RANGAP1: variants seen among roughly 807,000 people sequenced by gnomAD.
RANGAP1 encodes ran GTPase-activating protein 1.
A neutral mutation model predicts 63.5 loss-of-function variants in RANGAP1; 38 were observed. The observed-to-expected ratio is 0.60, with a 90% CI of 0.46 to 0.78. RANGAP1 has a LOEUF of 0.78. RANGAP1 is among the 30% of genes least tolerant of loss of function. The pLI, the probability that RANGAP1 is intolerant of heterozygous loss-of-function variation, is 0.00. For synonymous variants in RANGAP1, 329 were observed against 310.5 expected, an observed-to-expected ratio of 1.06 and a Z score of -0.63; for missense variants, 630 against 740.3, an observed-to-expected ratio of 0.85 and a Z score of 1.73.
At position 41,283,005 on chromosome 22, in the gene RANGAP1, C is replaced by T. The variant is rs564575604; in HGVS notation, c.-38-1923G>A. ...CCCCTAGGCTTCCTCTGGGTTCTAA[C>T]TTATAACCCTGGTTTGTCTGCCTTT... On this transcript the variant is annotated intron_variant, in intron 1 of 15. Transcript: ENST00000356244. Among the ~76,000 whole-genome samples, 22 of 152,168 alleles carry T rather than the reference C, an allele frequency of 1.4e-4. 3 individuals are homozygous for T. In the South Asian group the frequency reaches 3.7e-3, roughly 26 times the overall value.
chr22:41,297,435 A>G, the RANGAP1 span, among the ~76,000 whole-genome samples: 96 of 152,174 alleles, frequency 6.3e-4, 1 homozygote, highest in African/African-American at 2.3e-3. Flanking sequence ...ATGTTTGACC[A>G]AATATCTGGG....
Position 41,261,560 on chromosome 22 carries a change from G to A in RANGAP1, c.501C>T (p.Thr167=), listed in dbSNP as rs751689271. ...GGGCACTGGATTTCCGGTGACATTC[G>A]GTCAGAGCTGCAGCCAGGATCTGTG... ...GGGKILAAAL[T]ECHRKSSAQG... The change falls in exon 6 of 16, where the codon ACC becomes ACT. Residue 167 remains threonine, a synonymous_variant. Coordinates refer to ENST00000356244, the MANE Select transcript of RANGAP1 (RefSeq NM_002883.4). 8.1e-6 allele frequency: 13 copies of A among 1,614,086 alleles called. No individual in the cohort carries two copies. Among genetic ancestry groups the A allele is most frequent in the East Asian group, 2.2e-5 (1 of 44,896 alleles).
At chr22:41,249,853 T>C in intron 13 of RANGAP1, 36 bp from the exon 14 acceptor site, 1 of 1,582,284 alleles carries the variant, frequency 6.3e-7, no homozygotes, top group South Asian at 1.1e-5. Context: ...GGCTGCTGGC[T>C]ATGGCAGAGG....
At chr22:41,294,226 A>AT in the RANGAP1 span, among the ~76,000 whole-genome samples, 1 of 152,052 alleles carries the variant, frequency 6.6e-6, no homozygotes, top group Non-Finnish European at 1.5e-5. Flanking sequence ...TGGTTTTCGT[A>AT]TTTTTTTGGT....
At chr22:41,252,767 G>T (rs2033554183) in intron 12 of RANGAP1, 105 bp downstream of exon 12, 3 of 1,301,098 alleles carry the variant, frequency 2.3e-6, no homozygotes, top group Admixed American at 7.5e-5. Context: ...CCTGCCCCCA[G>T]CTGACAGCGT....
At chr22:41,261,727 A>G (rs1453236260) in intron 5 of RANGAP1, 147 bp from the exon 6 acceptor site, 6 of 894,476 alleles carry the variant, frequency 6.7e-6, no homozygotes, top group Non-Finnish European at 1.0e-5. Flanking sequence ...CTCAACAGTC[A>G]CACCTTAAAT....
chr22:41,259,643 T>G (rs2034047141), intron 6 of RANGAP1, among the ~76,000 whole-genome samples: 1 of 152,230 alleles, frequency 6.6e-6, no homozygotes, highest in Admixed American at 6.5e-5. Flanking sequence ...GCAGTAACTA[T>G]AACTTCATAT....
At chr22:41,285,491 G>C (rs1475047164) in intron 1 of RANGAP1, 2 of 984,930 alleles carry the variant, frequency 2.0e-6, no homozygotes, top group African/African-American at 3.5e-5. Flanking sequence ...AGCAACGTCA[G>C]AGACTTTCTG....
chr22:41,253,563 GC>G (rs1330437850), intron 11 of RANGAP1, among the ~76,000 whole-genome samples: 1 of 152,166 alleles, frequency 6.6e-6, no homozygotes, highest in East Asian at 1.9e-4. Flanking sequence ...CCCTGATGCA[GC>G]CCCGGGCCAG....
chr22:41,264,561 C>A, intron 5 of RANGAP1, 103 bp downstream of exon 5: 1 of 1,369,360 alleles, frequency 7.3e-7, no homozygotes, highest in East Asian at 2.5e-5. Context: ...TTGAAAACAA[C>A]GGCTGACCAT....
At chr22:41,298,857 T>C in the RANGAP1 span, among the ~76,000 whole-genome samples, 1 of 152,152 alleles carries the variant, frequency 6.6e-6, no homozygotes, top group Non-Finnish European at 1.5e-5. Context: ...ATGGACTGGA[T>C]GGCTTAAGCA....
the RANGAP1 span, among the ~76,000 whole-genome samples, chr22:41,293,778 A>G: frequency 2.7e-4 from 23 of 83,762 alleles, no homozygotes; most frequent in Non-Finnish European, 3.4e-4. Flanking sequence ...AAAAAAAAAA[A>G]AAAGAAAAGA....
chr22:41,293,619 C>A, the RANGAP1 span, among the ~76,000 whole-genome samples: 2 of 151,358 alleles, frequency 1.3e-5, no homozygotes, highest in African/African-American at 4.9e-5. Context: ...TCTACTAAAA[C>A]TACAAAAAAA....
At chr22:41,255,503 C>T (rs2033767734) in intron 10 of RANGAP1, among the ~76,000 whole-genome samples, 1 of 151,690 alleles carries the variant, frequency 6.6e-6, no homozygotes. Context: ...AAGAACAATC[C>T]CGAGTGCAGC....
chr22:41,249,954 G>A (rs1053254535), intron 13 of RANGAP1, 137 bp from the exon 14 acceptor site: 2 of 705,374 alleles, frequency 2.8e-6, no homozygotes, highest in African/African-American at 1.8e-5. Flanking sequence ...ACACGAGAGG[G>A]ACGGCAGAGA....
the RANGAP1 span, among the ~76,000 whole-genome samples, chr22:41,298,077 C>T: frequency 1.3e-5 from 2 of 151,732 alleles, no homozygotes; most frequent in Admixed American, 6.6e-5. Flanking sequence ...AGGCTGGTCT[C>T]GAACTCCCTA....
chr22:41,260,303 C>T (rs1473326431), intron 6 of RANGAP1, among the ~76,000 whole-genome samples: 1 of 152,132 alleles, frequency 6.6e-6, no homozygotes, highest in Non-Finnish European at 1.5e-5. Flanking sequence ...TCCCAGTGCA[C>T]TGAGGACAGC....
rs1393765058 is a variant in RANGAP1, at chr22:41,245,057, T to C, written c.*1546A>G. 1.3e-5 allele frequency among the ~76,000 whole-genome samples: 2 copies of C among 152,244 alleles called. No homozygotes were observed. The highest frequency in any genetic ancestry group is 2.4e-5 in the African/African-American group (1 of 41,460). On this transcript the variant is annotated 3_prime_UTR_variant, in exon 16 of 16. Coordinates refer to ENST00000356244, the MANE Select transcript of RANGAP1 (RefSeq NM_002883.4). ...ATGTTTTCAAAGTTCATCCACGTTG[T>C]AGCTGGCATCAGAACTTAATGCCAG... is the stretch of plus-strand genomic sequence containing the variant.
At chr22:41,302,040 C>T in the RANGAP1 span, among the ~76,000 whole-genome samples, 2 of 152,148 alleles carry the variant, frequency 1.3e-5, no homozygotes, top group African/African-American at 2.4e-5. The surrounding 1 kb of genome is among the most constrained non-coding windows in gnomAD (Gnocchi z 5.7). Flanking sequence ...TACCGTGTGG[C>T]CGGGGGCACC....
Sources: allele counts gnomAD v4.1 joint callset (sites outside exome capture counted in the v4.1 genomes callset), GRCh38; gene constraint gnomAD v4.1.1; non-coding constraint Gnocchi (gnomAD v3.1); transcripts MANE v1.5; gene names NCBI Gene and HGNC (gene_info 2026-07-23, HGNC 2026-07-21).